Variants in DCLK3 observed in about 807,000 individuals in gnomAD.
DCLK3 encodes doublecortin like kinase 3.
Under a neutral mutation model 46.4 loss-of-function variants are expected in DCLK3, and 30 were observed. The ratio of observed to expected loss-of-function variants is 0.65; its 90% CI spans 0.48 to 0.88. The LOEUF is 0.88. Among genes scored for constraint, DCLK3 ranks in the 40% least tolerant of loss-of-function variants. The probability of loss-of-function intolerance (pLI) is 0.00; values close to 1 mark genes in which losing one functional copy is unlikely to be tolerated. For synonymous variants in DCLK3, 401 were observed against 339.2 expected (o/e 1.18, Z -2.00); for missense variants, 846 against 907.1 (o/e 0.93, Z 0.87).
chr3:36,742,720 T>G (rs1356334964), intron 1 of DCLK3, among the ~76,000 whole-genome samples: 1 of 152,180 alleles, frequency 6.6e-6, no homozygotes, highest in Non-Finnish European at 1.5e-5. Flanking sequence ...CTTTCCTCTT[T>G]TAAAGTAGTC....
intron 1 of DCLK3, among the ~76,000 whole-genome samples, chr3:36,740,186 T>G (rs1285787954): frequency 2.6e-5 from 4 of 151,908 alleles, no homozygotes; most frequent in African/African-American, 4.8e-5. Context: ...CCAGGGTTTT[T>G]GTGAAGAATA....
At chr3:36,721,696 T>A in intron 2 of DCLK3, 37 bp from the exon 3 acceptor site, 1 of 1,613,548 alleles carries the variant, frequency 6.2e-7, no homozygotes, top group Non-Finnish European at 8.5e-7. Context: ...ACCAAAATTG[T>A]GATTAGAACA....
In DCLK3 at chr3:36,715,539, G is replaced by A. The variant is rs760003606; in HGVS notation, c.2261-18C>T. Reference sequence around the variant, plus strand: ...TTTAGCAGCTGTTGGAATGAGAGAAGGGGAAAATGTGATGAATGCAGGTGG... The same window carrying A: ...TTTAGCAGCTGTTGGAATGAGAGAAAGGGAAAATGTGATGAATGCAGGTGG... On this transcript the variant is annotated intron_variant, in intron 4 of 4. Transcript: ENST00000636136. 1.7e-5 allele frequency: 25 copies of A among 1,513,912 alleles called. No homozygotes were observed. The highest frequency in any genetic ancestry group is 6.9e-5 in the Admixed American group (3 of 43,248). The allele number at this position is 1,513,912 out of a possible 1,614,324, so 93.8% of individuals were successfully genotyped here.
chr3:36,761,579 C>T (rs1054104126), intron 1 of DCLK3, among the ~76,000 whole-genome samples: 10 of 152,186 alleles, frequency 6.6e-5, no homozygotes, highest in South Asian at 2.1e-4. Context: ...CACCAGCAGA[C>T]GGGCAAAATT....
intron 1 of DCLK3, among the ~76,000 whole-genome samples, chr3:36,741,009 T>C (rs543300759): frequency 3.9e-5 from 6 of 152,354 alleles, no homozygotes; most frequent in African/African-American, 1.4e-4. Flanking sequence ...AGGTAGTGGC[T>C]GATACTGATC....
chr3:36,722,428 T>C (rs1701072856), intron 2 of DCLK3, among the ~76,000 whole-genome samples: 1 of 152,218 alleles, frequency 6.6e-6, no homozygotes, highest in Non-Finnish European at 1.5e-5. Context: ...GAATACCCCA[T>C]TCTCCATGAT....
intron 1 of DCLK3, among the ~76,000 whole-genome samples, chr3:36,746,386 G>A (rs984600779): frequency 1.3e-4 from 20 of 152,250 alleles, no homozygotes; most frequent in African/African-American, 4.1e-4. Context: ...TGAGTTTTAC[G>A]TACTGCATCA....
At chr3:36,722,732 T>C (rs1701077637) in intron 2 of DCLK3, among the ~76,000 whole-genome samples, 2 of 152,164 alleles carry the variant, frequency 1.3e-5, no homozygotes, top group South Asian at 4.1e-4. Flanking sequence ...ATGCCATCCA[T>C]GTAAGATGTG....
chr3:36,753,910 C>T (rs1014341373), intron 1 of DCLK3, among the ~76,000 whole-genome samples: 2 of 152,122 alleles, frequency 1.3e-5, no homozygotes, highest in Admixed American at 1.3e-4. Flanking sequence ...AGCTCCTGGG[C>T]TCAAGTGACC....
chr3:36,714,089 CT>C lies in DCLK3; in HGVS notation c.*1238del, dbSNP rs2125517693. On this transcript the variant is annotated 3_prime_UTR_variant, in exon 5 of 5. Coordinates refer to ENST00000636136, the MANE Select transcript of DCLK3 (RefSeq NM_001394672.2). ...ATAACCCCAACTTCTTCCCTTGGTT[CT>C]CCAAAGAACAGGAGCCACTTCCTGC... 6.6e-6 allele frequency: 1 copy of C among 152,380 alleles called. No individual in the cohort carries two copies. Among genetic ancestry groups the C allele is most frequent in the South Asian group, 2.1e-4 (1 of 4,828 alleles). 9.4% of individuals were successfully genotyped at this position (152,380 alleles called of 1,614,324 possible). A position where few individuals can be genotyped will look rare whatever the true frequency, so the allele number is the denominator to read the frequency against.
rs1449704976 is a variant in DCLK3 at position 36,738,883 on chromosome 3, C to T, written c.284G>A (p.Arg95Lys). ...ACCCAGCTTCACTACGGTCACGACC[C>T]TGGGCTTCAGAGGGCTGTTCTCAGG... ...AHPENSPLKP[R>K]VVTVVKLGGQ... The change falls in exon 2 of 5, where the codon AGG becomes AAG. Residue 95 changes from arginine to lysine, a missense_variant. This residue lies in a region of DCLK3 where 553 missense variants were observed against 543.0 expected (regional missense o/e 1.02). Coordinates refer to ENST00000636136, the MANE Select transcript of DCLK3 (RefSeq NM_001394672.2). 6.3e-6 allele frequency: 3 copies of T among 475,340 alleles called. No homozygotes were observed. Among genetic ancestry groups the T allele is most frequent in the Non-Finnish European group, 1.0e-5 (3 of 294,976 alleles). 29.4% of individuals were successfully genotyped at this position (475,340 alleles called of 1,614,324 possible).
chr3:36,760,717 T>A (rs1056450117), intron 1 of DCLK3, among the ~76,000 whole-genome samples: 1 of 152,158 alleles, frequency 6.6e-6, no homozygotes, highest in Non-Finnish European at 1.5e-5. Flanking sequence ...TGAATCAGAA[T>A]CTATATTTTA....
chr3:36,712,892 A>G lies in DCLK3; in HGVS notation c.*2436T>C, dbSNP rs187425494. 6.6e-6 allele frequency: 1 copy of G among 152,352 alleles called. No homozygotes were observed. The highest frequency in any genetic ancestry group is 6.5e-5 in the Admixed American group (1 of 15,304). 9.4% of individuals were successfully genotyped at this position (152,352 alleles called of 1,614,324 possible). A position where few individuals can be genotyped will look rare whatever the true frequency, so the allele number is the denominator to read the frequency against. On this transcript the variant is annotated 3_prime_UTR_variant, in exon 5 of 5. Coordinates refer to ENST00000636136, the MANE Select transcript of DCLK3 (RefSeq NM_001394672.2). ...TGGGGCTACTACAAATAAAGCACCT[A>G]TAAATATTGTGAAGTCTTCATAGGA...
chr3:36,749,783 C>T (rs1701423702), intron 1 of DCLK3, among the ~76,000 whole-genome samples: 1 of 152,162 alleles, frequency 6.6e-6, no homozygotes, highest in Admixed American at 6.5e-5. Context: ...ATAAGACAAC[C>T]TCCATGTCCA....
intron 1 of DCLK3, among the ~76,000 whole-genome samples, chr3:36,745,234 T>G (rs950981400): frequency 2.0e-5 from 3 of 152,194 alleles, no homozygotes; most frequent in African/African-American, 7.2e-5. Context: ...TTAAAGAGAT[T>G]TTACCTTTTC....
In DCLK3 at chr3:36,715,196, T is replaced by G; in HGVS notation, c.*132A>C. 1 of 986,794 alleles carries G rather than the reference T, an allele frequency of 1.0e-6. No individual in the cohort carries two copies. Among genetic ancestry groups the G allele is most frequent in the South Asian group, 2.1e-5 (1 of 48,072 alleles). 61.1% of individuals were successfully genotyped at this position (986,794 alleles called of 1,614,324 possible). On this transcript the variant is annotated 3_prime_UTR_variant, in exon 5 of 5. Coordinates refer to ENST00000636136, the MANE Select transcript of DCLK3 (RefSeq NM_001394672.2). ...TTAATTTTTTTAATATGCTTTAAAA[T>G]ATACTCAGTGTCTCTCCCTCTGATT...
At chr3:36,723,986 A>G (rs1276822611) in intron 2 of DCLK3, among the ~76,000 whole-genome samples, 3 of 152,358 alleles carry the variant, frequency 2.0e-5, no homozygotes, top group Admixed American at 1.3e-4. Context: ...CAGACTTTCA[A>G]TGCCAGCCTG....
intron 1 of DCLK3, among the ~76,000 whole-genome samples, chr3:36,758,457 T>A (rs984957458): frequency 6.6e-6 from 1 of 152,176 alleles, no homozygotes; most frequent in African/African-American, 2.4e-5. Context: ...GGCTCTACCT[T>A]AAAGAATGGA....
chr3:36,732,084 T>G (rs1225515105), intron 2 of DCLK3, among the ~76,000 whole-genome samples: 6 of 152,240 alleles, frequency 3.9e-5, no homozygotes, highest in East Asian at 1.9e-4. Flanking sequence ...GGTGCTGTTA[T>G]GTTCATTTAC....
Sources: gnomAD v4.1 joint callset for allele counts (sites outside exome capture counted in the v4.1 genomes callset) on GRCh38, gnomAD v4.1.1 for gene constraint, gnomAD v4.1.1 regional missense constraint, MANE v1.5 for transcripts, NCBI Gene and HGNC (gene_info 2026-07-23, HGNC 2026-07-21) for gene names.